Variants in ANO7 observed in about 807,000 individuals in gnomAD.
ANO7 encodes the protein anoctamin-7.
In ANO7, 114 loss-of-function variants were observed where a neutral mutation model predicts 115.8. The observed-to-expected ratio is 0.98, with a 90% CI of 0.85 to 1.15. The LOEUF is 1.15. Among genes scored for constraint, ANO7 ranks in the 50% most tolerant of loss-of-function variants. ANO7 has a pLI of 0.00. For missense variants in ANO7, 1,302 were observed against 1,201.2 expected (o/e 1.08, Z -1.24); for synonymous variants, 550 against 498.2 (o/e 1.10, Z -1.38).
chr2:241,194,179 ATT>A (rs59855055), intron 3 of ANO7, among the ~76,000 whole-genome samples: 1,701 of 123,950 alleles, frequency 0.014, 35 homozygotes, highest in African/African-American at 0.042. Flanking sequence ...CTGGCCTTTA[ATT>A]TTTTTTTTTT....
At position 241,217,698 on chromosome 2, in the gene ANO7, G is replaced by T; in HGVS notation, c.1985G>T (p.Gly662Val). 6.3e-7 allele frequency: 1 copy of T among 1,589,340 alleles called. No individual in the cohort carries two copies. The highest frequency in any genetic ancestry group is 1.1e-5 in the South Asian group (1 of 88,282). ...DEYLEMVLQF[G>V]FVTIFVAACP... is the part of the protein sequence containing the mutation. ...CCCCTCCCCGCAGTGCTGCAGTTCG[G>T]CTTCGTCACCATCTTCGTGGCCGCC... The change falls in exon 20 of 25, where the codon GGC becomes GTC. Residue 662 changes from glycine (G) to valine (V), a missense_variant. Coordinates refer to ENST00000674324, the MANE Select transcript of ANO7 (RefSeq NM_001370694.2).
chr2:241,199,804 G>C (rs1007365966), intron 5 of ANO7, among the ~76,000 whole-genome samples: 16 of 152,340 alleles, frequency 1.1e-4, no homozygotes, highest in African/African-American at 3.8e-4. Context: ...TGGCTGGCCT[G>C]ACCCTCACTG....
At chr2:241,200,534 A>C (rs2068447596) in intron 6 of ANO7, among the ~76,000 whole-genome samples, 2 of 152,156 alleles carry the variant, frequency 1.3e-5, no homozygotes, top group African/African-American at 4.8e-5. Flanking sequence ...ACGGTCTCTC[A>C]GGGCCCGGGC....
At chr2:241,234,201 C>CTT in the ANO7 span, among the ~76,000 whole-genome samples, 4 of 152,206 alleles carry the variant, frequency 2.6e-5, no homozygotes, top group African/African-American at 9.7e-5. Flanking sequence ...CAAAAGAGGG[C>CTT]TTGGGACCAC....
chr2:241,218,882 C>CT (rs2068937955), intron 21 of ANO7, among the ~76,000 whole-genome samples: 1 of 152,190 alleles, frequency 6.6e-6, no homozygotes, highest in African/African-American at 2.4e-5. Context: ...TTTTACGGTG[C>CT]TTTCTCATAC....
rs1465334973 is a variant in ANO7 at position 241,203,481 on chromosome 2, T to G, written c.872T>G (p.Leu291Arg). ...AGGTACTTCGGGGAGAAGGTGGCCCTCTACTTCGCCTGGCTCGGTGAGTCC... is the reference window on the plus strand; with the variant it reads ...AGGTACTTCGGGGAGAAGGTGGCCCGCTACTTCGCCTGGCTCGGTGAGTCC... ...VRRYFGEKVA[L>R]YFAWLGFYTG... The change falls in exon 9 of 25, where the codon CTC becomes CGC. Residue 291 changes from leucine to arginine, a missense_variant. Physicochemically the swap from Leu to Arg is moderately radical, Grantham distance 102 (BLOSUM62 -2). Transcript: ENST00000674324. The surrounding 1 kb of genome is among the most constrained non-coding windows in gnomAD (Gnocchi z 4.8). 4 of 1,537,788 alleles carry G rather than the reference T, an allele frequency of 2.6e-6. No individual in the cohort carries two copies. The highest frequency in any genetic ancestry group is 3.5e-6 in the Non-Finnish European group (4 of 1,142,890).
intron 6 of ANO7, among the ~76,000 whole-genome samples, chr2:241,200,941 TG>T (rs2068455407): frequency 6.6e-6 from 1 of 152,354 alleles, no homozygotes; most frequent in East Asian, 1.9e-4. Flanking sequence ...GCACACGGGA[TG>T]GGGCTCCCTG....
In ANO7 at chr2:241,212,511, AG is replaced by A. The variant is rs2068739228; in HGVS notation, c.1674-58del. Reference sequence around the variant, plus strand: ...AGCTCTGCTGAGGCCTCCAGAGCCCAGGGAAGTGGGAGGAGACAGGAAGGAT... The same window carrying A: ...AGCTCTGCTGAGGCCTCCAGAGCCCAGGAAGTGGGAGGAGACAGGAAGGAT... On this transcript the variant is annotated intron_variant, in intron 16 of 24. Coordinates refer to ENST00000674324, the MANE Select transcript of ANO7 (RefSeq NM_001370694.2). 3.9e-6 allele frequency: 6 copies of A among 1,557,378 alleles called. No homozygotes were observed. The African/African-American group carries it at 4.1e-5, about 11-fold the overall frequency.
chr2:241,212,758 C>T (rs1574786322), intron 17 of ANO7, 132 bp downstream of exon 17: 2 of 1,024,710 alleles, frequency 2.0e-6, no homozygotes, highest in East Asian at 5.4e-5. Context: ...CCAGGGCCAG[C>T]TGTGCAGCTG....
chr2:241,215,193 G>C (rs1010136072), intron 18 of ANO7, among the ~76,000 whole-genome samples: 2 of 152,258 alleles, frequency 1.3e-5, no homozygotes, highest in African/African-American at 4.8e-5. Flanking sequence ...CCCAAGGCTG[G>C]GGTGATGGCT....
At chr2:241,235,953 C>T in the ANO7 span, among the ~76,000 whole-genome samples, 1 of 152,112 alleles carries the variant, frequency 6.6e-6, no homozygotes. Context: ...CGGACCACTA[C>T]TCACCTTCCC....
At chr2:241,230,298 G>A (rs1341163374), downstream of ANO7, 1 of 1,342,612 alleles carries the variant, frequency 7.4e-7, no homozygotes, top group Non-Finnish European at 1.0e-6. This position sits in a 1 kb window ranked among gnomAD's most constrained non-coding sequence, Gnocchi z 5.0. Flanking sequence ...GTCAGATGAG[G>A]GGACTCCAAG....
intron 4 of ANO7, among the ~76,000 whole-genome samples, chr2:241,197,379 C>T (rs1246160970): frequency 2.0e-5 from 3 of 152,094 alleles, no homozygotes; most frequent in African/African-American, 4.8e-5. Flanking sequence ...GGATTACAGG[C>T]GTGAGCCACC....
Position 241,214,829 on chromosome 2 carries a change from G to T in ANO7, c.1753G>T (p.Glu585Ter). 1 of 1,612,330 alleles carries T rather than the reference G, an allele frequency of 6.2e-7. No individual in the cohort carries two copies. Among genetic ancestry groups the T allele is most frequent in the Non-Finnish European group, 8.5e-7 (1 of 1,179,924 alleles). ...GTGCGCGGCTGGAGGCTGCCTGATC[G>T]AGCTGGCACAGGAGCTCCTGGTCAT... Reference protein sequence around the residue: ...EECAAGGCLIELAQELLVIMV... With the variant: ...EECAAGGCLI Residue 585 changes from glutamate (E) to a stop codon, truncating the protein, a stop_gained, in exon 18 of 25, where the codon GAG (glutamate) becomes TAG (stop). Transcript: ENST00000674324. LOFTEE classifies it high-confidence loss of function.
chr2:241,195,436 A>G (rs1346006733), intron 3 of ANO7, among the ~76,000 whole-genome samples: 1 of 152,180 alleles, frequency 6.6e-6, no homozygotes, highest in African/African-American at 2.4e-5. Context: ...TGAGCACCAT[A>G]GCAGGAATCT....
chr2:241,223,377 C>T (rs1193213553), intron 22 of ANO7, 101 bp downstream of exon 22: 3 of 1,309,418 alleles, frequency 2.3e-6, no homozygotes, highest in Non-Finnish European at 3.3e-6. Flanking sequence ...GCCGTCACTT[C>T]CTGCTGTGTC....
At chr2:241,202,884 T>C (rs2068504537) in intron 8 of ANO7, among the ~76,000 whole-genome samples, 2 of 152,316 alleles carry the variant, frequency 1.3e-5, no homozygotes, top group East Asian at 1.9e-4. Context: ...GGTCCAGTCC[T>C]GCCCCAACGC....
the ANO7 span, chr2:241,233,931 T>C: frequency 3.1e-6 from 5 of 1,614,180 alleles, no homozygotes; most frequent in Middle Eastern, 1.6e-4. The surrounding 1 kb of genome is among the most constrained non-coding windows in gnomAD (Gnocchi z 4.3). Context: ...ATTTGGGGTC[T>C]ACAGTGACAC....
At chr2:241,200,377 C>A in intron 6 of ANO7, 152 bp downstream of exon 6, 1 of 1,130,338 alleles carries the variant, frequency 8.8e-7, no homozygotes, top group Non-Finnish European at 1.2e-6. Flanking sequence ...TATCGCGTGT[C>A]TGCATTTCCA....
Sources: allele counts gnomAD v4.1 joint callset (sites outside exome capture counted in the v4.1 genomes callset), GRCh38; gene constraint gnomAD v4.1.1; non-coding constraint Gnocchi (gnomAD v3.1); transcripts MANE v1.5; gene names NCBI Gene and HGNC (gene_info 2026-07-23, HGNC 2026-07-21).